Variants in NBEAL1 observed in about 807,000 individuals in gnomAD.
NBEAL1 encodes the protein neurobeachin-like protein 1.
In NBEAL1, 273 loss-of-function variants were observed where a neutral mutation model predicts 351.3. The ratio of observed to expected loss-of-function variants is 0.78; its 90% CI spans 0.70 to 0.86. The LOEUF is 0.86. Ranked by LOEUF, NBEAL1 falls within the 40% of genes least tolerant of loss-of-function variation. The probability of loss-of-function intolerance (pLI) is 0.00; values close to 1 mark genes in which losing one functional copy is unlikely to be tolerated. For synonymous variants in NBEAL1, 1,050 were observed against 1,086.4 expected (o/e 0.97, Z 0.66); for missense variants, 2,961 against 3,201.3 (o/e 0.92, Z 1.81).
chr2:203,204,786 T>C (rs1432281336), intron 51 of NBEAL1, among the ~76,000 whole-genome samples: 1 of 152,132 alleles, frequency 6.6e-6, no homozygotes, highest in Admixed American at 6.5e-5. Context: ...TTAAAAATCA[T>C]TTTTGTGTCT....
In NBEAL1 at chr2:203,135,724, A is replaced by G. The variant is rs150176704; in HGVS notation, c.3861A>G (p.Ser1287=). 8.4e-3 allele frequency: 13,158 copies of G among 1,559,974 alleles called. 71 individuals are homozygous for G. The highest frequency in any genetic ancestry group is 0.01 in the Non-Finnish European group (11,669 of 1,151,794). ...QFQPDAAHQI[S]QQVGWQDTLV... ...AGCCAGATGCAGCACATCAAATATC[A>G]CAGCAAGTGGGTTGGCAAGACACCT... is the stretch of plus-strand genomic sequence containing the variant. The change falls in exon 28 of 56, where the codon TCA becomes TCG. Residue 1287 remains serine, a synonymous_variant. Coordinates refer to ENST00000683969, the MANE Select transcript of NBEAL1 (RefSeq NM_001378026.1).
chr2:203,083,577 T>A, intron 9 of NBEAL1, 52 bp downstream of exon 9: 3 of 1,342,378 alleles, frequency 2.2e-6, no homozygotes, highest in Non-Finnish European at 3.0e-6. Context: ...TATTTTCATA[T>A]CTACCACTTT....
intron 46 of NBEAL1, chr2:203,191,319 GA>G (rs200659518): frequency 0.074 from 27,567 of 373,966 alleles, 1 homozygote; most frequent in East Asian, 0.14. Context: ...TTTGACAACT[GA>G]AAAAAAAAAA....
In NBEAL1 at chr2:203,043,664, G is replaced by A. The variant is rs139966078; in HGVS notation, c.143+1808G>A. Among the ~76,000 whole-genome samples the A allele has an allele frequency of 3.1e-3, 466 of 151,696 alleles. 3 individuals are homozygous for A. Among genetic ancestry groups the A allele is most frequent in the Non-Finnish European group, 5.5e-3 (372 of 67,948 alleles). ...GGATCAATTTGGCCCAGAGAGTTGA[G>A]GCTGTAGTGTGCTGTGATCGTGCCA... On this transcript the variant is annotated intron_variant, in intron 3 of 55. Coordinates refer to ENST00000683969, the MANE Select transcript of NBEAL1 (RefSeq NM_001378026.1).
intron 2 of NBEAL1, among the ~76,000 whole-genome samples, chr2:203,018,681 A>G (rs1574851955): frequency 6.6e-6 from 1 of 152,212 alleles, no homozygotes; most frequent in Non-Finnish European, 1.5e-5. Flanking sequence ...CACCAAGTAG[A>G]GATGTTATAG....
chr2:203,075,699 A>G (rs978434458), intron 7 of NBEAL1, among the ~76,000 whole-genome samples: 1 of 152,182 alleles, frequency 6.6e-6, no homozygotes, highest in African/African-American at 2.4e-5. Context: ...AACTCAGCAA[A>G]TGGCTGTGTT....
At chr2:203,093,917 T>C (rs1264877421) in intron 10 of NBEAL1, among the ~76,000 whole-genome samples, 1 of 152,100 alleles carries the variant, frequency 6.6e-6, no homozygotes, top group Non-Finnish European at 1.5e-5. Flanking sequence ...CTGGCCGTAA[T>C]AGTCTTCCTT....
chr2:203,042,743 A>G (rs563599380), intron 3 of NBEAL1, among the ~76,000 whole-genome samples: 15 of 152,198 alleles, frequency 9.9e-5, no homozygotes, highest in East Asian at 7.7e-4. Context: ...GCACGCCACC[A>G]TGCTTGGCTA....
chr2:203,192,494 C>T (rs986309153), intron 46 of NBEAL1, among the ~76,000 whole-genome samples: 1 of 151,854 alleles, frequency 6.6e-6, no homozygotes, highest in South Asian at 2.1e-4. Context: ...AAGCGATTCT[C>T]CTGCCTCAGC....
At chr2:203,136,385 T>C (rs763660480) in intron 28 of NBEAL1, 133 bp downstream of exon 28, 22 of 838,320 alleles carry the variant, frequency 2.6e-5, no homozygotes, top group Non-Finnish European at 3.9e-5. Context: ...GATCTAAGGT[T>C]TAGAAACCTG....
At chr2:203,128,392 G>GCCA (rs749859060) in intron 24 of NBEAL1, among the ~76,000 whole-genome samples, 1 of 150,544 alleles carries the variant, frequency 6.6e-6, no homozygotes, top group Non-Finnish European at 1.5e-5. Flanking sequence ...ACAGGCGTGA[G>GCCA]CCACCACGCC....
chr2:203,053,913 A>G (rs1487326874), intron 4 of NBEAL1, among the ~76,000 whole-genome samples: 1 of 152,092 alleles, frequency 6.6e-6, no homozygotes, highest in Non-Finnish European at 1.5e-5. Context: ...ATTTTAATGA[A>G]GTTTGACTTA....
chr2:203,136,764 A>G lies in NBEAL1; in HGVS notation c.4555A>G (p.Ile1519Val). The G allele has an allele frequency of 6.2e-7, 1 of 1,612,684 alleles. No individual in the cohort carries two copies. Among genetic ancestry groups the G allele is most frequent in the Non-Finnish European group, 8.5e-7 (1 of 1,179,478 alleles). ...TGAACTACTTCGACCATCAGATGAAATAAAACTAACGTAAGCATTTAGTTA... is the reference window on the plus strand; with the variant it reads ...TGAACTACTTCGACCATCAGATGAAGTAAAACTAACGTAAGCATTTAGTTA... ...SSELLRPSDE[I>V]KLTLLQKMLE... Residue 1519 changes from isoleucine to valine, a missense_variant, in exon 29 of 56, where the codon ATA (isoleucine) becomes GTA (valine). By Grantham distance (29) the Ile-to-Val change is conservative (BLOSUM62 3). Transcript: ENST00000683969.
intron 46 of NBEAL1, among the ~76,000 whole-genome samples, chr2:203,191,625 A>AT (rs2065091639): frequency 6.6e-6 from 1 of 152,194 alleles, no homozygotes; most frequent in African/African-American, 2.4e-5. Flanking sequence ...CATAGTAAAA[A>AT]TTCAGCTATC....
intron 8 of NBEAL1, among the ~76,000 whole-genome samples, chr2:203,081,649 G>A (rs1226949410): frequency 6.6e-6 from 1 of 152,128 alleles, no homozygotes; most frequent in Non-Finnish European, 1.5e-5. Context: ...GATCTTCAGG[G>A]ATTCAGTTTT....
At chr2:203,068,187 C>A (rs2061624495) in intron 6 of NBEAL1, among the ~76,000 whole-genome samples, 1 of 152,074 alleles carries the variant, frequency 6.6e-6, no homozygotes, top group Non-Finnish European at 1.5e-5. Context: ...TACCATGTTG[C>A]ATAATTCAAA....
At position 203,175,013 on chromosome 2, in the gene NBEAL1, AGAGTTTGATAATGAGGCATATGAAGAAG is replaced by A; in HGVS notation, c.6324-131_6324-104del. The A allele has an allele frequency of 4.1e-6, 3 of 732,246 alleles. No homozygotes were observed. In the South Asian group the frequency reaches 6.6e-5, roughly 16 times the overall value. The allele number at this position is 732,246 out of a possible 1,614,324, so 45.4% of individuals were successfully genotyped here. A position where few individuals can be genotyped will look rare whatever the true frequency, so the allele number is the denominator to read the frequency against. Reference sequence around the variant, plus strand: ...TAGTATGGTATAATGATATGAATACAGAGTTTGATAATGAGGCATATGAAGAAGGATGGACTTTTTAAAAACTGTATTT... The same window carrying A: ...TAGTATGGTATAATGATATGAATACAGATGGACTTTTTAAAAACTGTATTT... On this transcript the variant is annotated intron_variant, in intron 41 of 55. Transcript: ENST00000683969.
intron 7 of NBEAL1, among the ~76,000 whole-genome samples, chr2:203,074,073 T>C (rs928001311): frequency 6.6e-6 from 1 of 152,146 alleles, no homozygotes; most frequent in Non-Finnish European, 1.5e-5. Flanking sequence ...TACTTGAAAA[T>C]GGCTAAGAGA....
At chr2:203,074,128 G>A (rs921902655) in intron 7 of NBEAL1, among the ~76,000 whole-genome samples, 14 of 152,018 alleles carry the variant, frequency 9.2e-5, no homozygotes, top group Non-Finnish European at 1.8e-4. Flanking sequence ...AGTATGTGAG[G>A]TAATGTGTAT....
Sources: allele counts gnomAD v4.1 joint callset (sites outside exome capture counted in the v4.1 genomes callset), GRCh38; gene constraint gnomAD v4.1.1; transcripts MANE v1.5; gene names NCBI Gene and HGNC (gene_info 2026-07-23, HGNC 2026-07-21).